The following RASGRP3 variants were observed in gnomAD, a reference collection of about 807,000 sequenced individuals.
RASGRP3 encodes RAS guanyl releasing protein 3.
RASGRP3 carries 54 observed loss-of-function variants against 82.7 expected under a neutral mutation model. That is an observed-to-expected ratio of 0.65 (90% CI 0.52 to 0.82). RASGRP3 has a LOEUF of 0.82. Ranked by LOEUF, RASGRP3 falls within the 40% of genes least tolerant of loss-of-function variation. The pLI is 0.00. For missense variants in RASGRP3, 861 were observed against 828.9 expected (o/e 1.04, Z -0.48); for synonymous variants, 309 against 300.5 (o/e 1.03, Z -0.29).
At chr2:33,560,428 G>A (rs758346164) in intron 17 of RASGRP3, among the ~76,000 whole-genome samples, 7 of 152,174 alleles carry the variant, frequency 4.6e-5, no homozygotes, top group Non-Finnish European at 1.0e-4. Context: ...GGTGTCAACA[G>A]CTCTTAACCC....
rs180883264 is a variant in RASGRP3 at position 33,439,408 on chromosome 2, T to C, written c.-385+2817T>C. ...ATGAGGGAGATGAGGACATCTATGA[T>C]AAGAATGGAGCTGTGAGCATGAGCA... On this transcript the variant is annotated intron_variant, in intron 1 of 18. Coordinates refer to the RASGRP3 transcript ENST00000402538. Among the ~76,000 whole-genome samples the C allele has an allele frequency of 5.3e-5, 8 of 152,068 alleles. No individual in the cohort carries two copies. In the East Asian group the frequency reaches 1.4e-3, roughly 26 times the overall value.
chr2:33,504,086 T>A (rs960944536), intron 1 of RASGRP3, among the ~76,000 whole-genome samples: 3 of 152,224 alleles, frequency 2.0e-5, no homozygotes, highest in African/African-American at 7.2e-5. Context: ...TCCTATTCAT[T>A]TTTCACGTAG....
At chr2:33,457,780 C>G (rs1389174006) in intron 2 of RASGRP3, among the ~76,000 whole-genome samples, 1 of 152,078 alleles carries the variant, frequency 6.6e-6, no homozygotes, top group African/African-American at 2.4e-5. Context: ...TTTCCTGTTC[C>G]TGGTGGGCAG....
At chr2:33,504,514 T>C (rs1670174391) in intron 1 of RASGRP3, among the ~76,000 whole-genome samples, 1 of 152,230 alleles carries the variant, frequency 6.6e-6, no homozygotes, top group Admixed American at 6.5e-5. Flanking sequence ...ACTAATGCCT[T>C]TCTCTGAAAA....
rs148841136 is a variant in RASGRP3, at chr2:33,489,336, G to T, written c.-261+12629G>T. 5.4e-3 allele frequency among the ~76,000 whole-genome samples: 820 copies of T among 152,270 alleles called. 6 individuals are homozygous for T. The highest frequency in any genetic ancestry group is 0.019 in the African/African-American group (781 of 41,542). ...TGCTGCTGAGCAGTAAGTGATGATG[G>T]CCTAATACACTTGCAGAAATACTGC... is the stretch of plus-strand genomic sequence containing the variant. On this transcript the variant is annotated intron_variant, in intron 1 of 17. Coordinates refer to ENST00000403687, the MANE Select transcript of RASGRP3 (RefSeq NM_001139488.2).
chr2:33,484,522 ATGCTT>A (rs1202063847), intron 1 of RASGRP3, among the ~76,000 whole-genome samples: 3 of 151,612 alleles, frequency 2.0e-5, no homozygotes, highest in African/African-American at 7.3e-5. Context: ...AGTTGACACG[ATGCTT>A]TAGAGATCAT....
intron 2 of RASGRP3, among the ~76,000 whole-genome samples, chr2:33,513,327 A>G (rs1002856277): frequency 2.0e-5 from 3 of 152,212 alleles, no homozygotes; most frequent in African/African-American, 4.8e-5. Context: ...CAGTGGTCTC[A>G]CTGAACTAAT....
chr2:33,513,877 T>C (rs1384423385), intron 2 of RASGRP3: 1 of 152,234 alleles, frequency 6.6e-6, no homozygotes, highest in African/African-American at 2.4e-5. Flanking sequence ...GGAGGAGTGA[T>C]ACCCTTTACA....
chr2:33,467,978 C>A (rs1025953495), intron 2 of RASGRP3, among the ~76,000 whole-genome samples: 1 of 140,810 alleles, frequency 7.1e-6, no homozygotes, highest in East Asian at 2.3e-4. Context: ...GATGGTGAGG[C>A]TTTTTCTTTC....
At chr2:33,529,259 C>T (rs934547484) in intron 10 of RASGRP3, among the ~76,000 whole-genome samples, 9 of 151,820 alleles carry the variant, frequency 5.9e-5, no homozygotes, top group African/African-American at 2.2e-4. Flanking sequence ...CTTTGGGAGG[C>T]CAAGGCGGGC....
At chr2:33,438,331 G>A (rs577346526) in intron 1 of RASGRP3, among the ~76,000 whole-genome samples, 2 of 152,362 alleles carry the variant, frequency 1.3e-5, no homozygotes, top group South Asian at 4.1e-4. Flanking sequence ...GGGAGACCGA[G>A]GCGGGTGGAT....
chr2:33,482,394 A>G (rs1668018714), intron 1 of RASGRP3: 1 of 152,218 alleles, frequency 6.6e-6, no homozygotes, highest in South Asian at 2.1e-4. Context: ...TTGGAGTTAT[A>G]CCAACTATGG....
chr2:33,448,570 A>G (rs922684637), intron 2 of RASGRP3, among the ~76,000 whole-genome samples: 1 of 152,350 alleles, frequency 6.6e-6, no homozygotes, highest in South Asian at 2.1e-4. Flanking sequence ...ACACAAAAGA[A>G]CAAATATTAT....
intron 10 of RASGRP3, among the ~76,000 whole-genome samples, chr2:33,529,683 G>A (rs1002514395): frequency 3.9e-5 from 6 of 152,102 alleles, no homozygotes; most frequent in Admixed American, 2.0e-4. Context: ...AATCCTAGAT[G>A]TGAGACCTTG....
At position 33,527,385 on chromosome 2, in the gene RASGRP3, C is replaced by T. The variant is rs766777784; in HGVS notation, c.1056C>T (p.Pro352=). 4 of 1,613,530 alleles carry T rather than the reference C, an allele frequency of 2.5e-6. No homozygotes were observed. In the African/African-American group the frequency reaches 5.3e-5, roughly 22 times the overall value. ...AGAATGCCTCTCACCACTTAGAACC[C>T]AACATGGATTTGATCAACCTGCTCA... The part of the protein sequence containing the change: ...SLQNASHHLE[P]NMDLINLLTL... Residue 352 remains proline, a synonymous_variant, in exon 10 of 18, where the codon CCC becomes CCT. Transcript: ENST00000403687.
At chr2:33,534,258 T>A in intron 10 of RASGRP3, 65 bp from the exon 11 acceptor site, 1 of 1,158,904 alleles carries the variant, frequency 8.6e-7, no homozygotes, top group Non-Finnish European at 1.3e-6. Context: ...TGAAAAAAAA[T>A]TCAGCAACGT....
intron 1 of RASGRP3, among the ~76,000 whole-genome samples, chr2:33,442,895 T>C (rs1472854378): frequency 6.6e-6 from 1 of 152,172 alleles, no homozygotes; most frequent in Non-Finnish European, 1.5e-5. Context: ...TTTTTTTTTT[T>C]TTCTTTTTTA....
At chr2:33,473,571 A>G (rs181226823), upstream of RASGRP3, among the ~76,000 whole-genome samples, 14 of 152,250 alleles carry the variant, frequency 9.2e-5, no homozygotes, top group Admixed American at 9.2e-4. Context: ...CTTGACAGGA[A>G]GAGGGCACCT....
In RASGRP3 at chr2:33,450,995, G is replaced by A. The variant is rs1209361445; in HGVS notation, c.-261+3052G>A. On this transcript the variant is annotated intron_variant, in intron 2 of 18. Transcript: ENST00000402538. Reference sequence around the variant, plus strand: ...TGGGACTACAGGTGCCTGCCACCACGCCTGGCTAATTTTGTTTTTGTATTT... The same window carrying A: ...TGGGACTACAGGTGCCTGCCACCACACCTGGCTAATTTTGTTTTTGTATTT... Among the ~76,000 whole-genome samples the A allele has an allele frequency of 4.6e-5, 7 of 150,914 alleles. No individual in the cohort carries two copies. In the East Asian group the frequency reaches 7.7e-4, roughly 17 times the overall value.
Sources: gnomAD v4.1 joint callset for allele counts (sites outside exome capture counted in the v4.1 genomes callset) on GRCh38, gnomAD v4.1.1 for gene constraint, MANE v1.5 for transcripts, NCBI Gene and HGNC (gene_info 2026-07-23, HGNC 2026-07-21) for gene names.